The following NEBL variants were observed in gnomAD, a reference collection of about 807,000 sequenced individuals.
The protein encoded by NEBL is LIM and SH3 protein 2.
NEBL carries 122 observed loss-of-function variants against 140.2 expected under a neutral mutation model. That is an observed-to-expected ratio of 0.87 (90% CI 0.75 to 1.01). The LOEUF is 1.01. Among genes scored for constraint, NEBL ranks in the 50% least tolerant of loss-of-function variants. The pLI is 0.00. For missense variants in NEBL, 1,365 were observed against 1,231.3 expected (o/e 1.11, Z -1.62); for synonymous variants, 436 against 398.9 (o/e 1.09, Z -1.11).
intron 2 of NEBL, among the ~76,000 whole-genome samples, chr10:21,048,688 A>G (rs1198723874): frequency 6.6e-6 from 1 of 152,024 alleles, no homozygotes; most frequent in Non-Finnish European, 1.5e-5. Flanking sequence ...AAGAGTTGAT[A>G]TTGCAAATTC....
intron 4 of NEBL, among the ~76,000 whole-genome samples, chr10:20,929,484 C>T (rs1463723495): frequency 1.3e-5 from 2 of 152,146 alleles, no homozygotes; most frequent in African/African-American, 4.8e-5. Flanking sequence ...CTGATACAAA[C>T]GTTCATGCCT....
chr10:21,047,819 T>C (rs373284778), intron 2 of NEBL, among the ~76,000 whole-genome samples: 21 of 152,346 alleles, frequency 1.4e-4, no homozygotes, highest in African/African-American at 4.3e-4. Flanking sequence ...GCAACCGGAA[T>C]CTTCCCCGCA....
At chr10:20,968,322 T>C (rs574483562) in intron 3 of NEBL, among the ~76,000 whole-genome samples, 2 of 150,164 alleles carry the variant, frequency 1.3e-5, no homozygotes, top group Non-Finnish European at 3.0e-5. Context: ...CTAGGCAACA[T>C]AGCAAGGCCC....
intron 2 of NEBL, among the ~76,000 whole-genome samples, chr10:21,034,059 A>AG (rs1833912732): frequency 6.8e-6 from 1 of 146,774 alleles, no homozygotes; most frequent in Non-Finnish European, 1.5e-5. Context: ...CTCAGCTACT[A>AG]GGGGGGCTGA....
rs552261723 is a variant in NEBL at position 21,173,868 on chromosome 10, T to G, written c.-35A>C. 1.8e-4 allele frequency: 286 copies of G among 1,603,996 alleles called. 2 individuals are homozygous for G. The highest frequency in any genetic ancestry group is 1.5e-3 in the South Asian group (134 of 90,682). ...TCCCGGGGGCGGCGGCGGCGGCGGC[T>G]GCTGGCTCCCAGGAGCCGCTGTGAC... is the stretch of plus-strand genomic sequence containing the variant. On this transcript the variant is annotated 5_prime_UTR_variant, in exon 1 of 7. Coordinates refer to the NEBL transcript ENST00000417816. The surrounding 1 kb of genome is among the most constrained non-coding windows in gnomAD (Gnocchi z 5.7).
intron 16 of NEBL, among the ~76,000 whole-genome samples, 175 bp from the exon 17 acceptor site, chr10:20,828,809 C>A (rs911604468): frequency 2.0e-5 from 3 of 151,768 alleles, no homozygotes. Context: ...TAGAATGATA[C>A]CATTCTTCGA....
intron 2 of NEBL, among the ~76,000 whole-genome samples, chr10:21,134,845 G>A (rs1409110255): frequency 1.3e-5 from 2 of 152,178 alleles, no homozygotes; most frequent in African/African-American, 2.4e-5. Flanking sequence ...CCCCTGGAAG[G>A]TACGCTACTC....
chr10:21,200,917 T>G (rs7897116), intron 3 of NEBL, among the ~76,000 whole-genome samples: 29,556 of 151,726 alleles, frequency 0.19, 4,050 homozygotes, highest in African/African-American at 0.38. Context: ...AACAGAGAGA[T>G]ATCCCGTCTA....
chr10:21,120,991 T>C (rs1969941), intron 2 of NEBL, among the ~76,000 whole-genome samples: 74,806 of 151,988 alleles, frequency 0.49, 21,930 homozygotes, highest in African/African-American at 0.81. Context: ...TTTCAGGCTT[T>C]ATACAATAAC....
intron 3 of NEBL, among the ~76,000 whole-genome samples, chr10:20,998,484 C>T (rs1837757374): frequency 6.6e-6 from 1 of 152,086 alleles, no homozygotes; most frequent in Non-Finnish European, 1.5e-5. Context: ...GATAAGGTCT[C>T]CACTCTTGCC....
intron 6 of NEBL, among the ~76,000 whole-genome samples, chr10:20,869,524 G>A (rs537817185): frequency 6.6e-6 from 1 of 152,170 alleles, no homozygotes; most frequent in East Asian, 1.9e-4. Context: ...AAAGTATGAT[G>A]ACACTAACCA....
intron 2 of NEBL, among the ~76,000 whole-genome samples, chr10:21,154,856 T>C (rs182376763): frequency 3.3e-5 from 5 of 152,350 alleles, no homozygotes; most frequent in Non-Finnish European, 5.9e-5. Context: ...AGTAGGTGTA[T>C]ATACTTGTGG....
At chr10:20,937,834 G>T (rs764688287) in intron 4 of NEBL, among the ~76,000 whole-genome samples, 2 of 152,024 alleles carry the variant, frequency 1.3e-5, no homozygotes, top group Non-Finnish European at 2.9e-5. Context: ...ATGGAGCCTC[G>T]CTCATTGCTA....
intron 4 of NEBL, among the ~76,000 whole-genome samples, chr10:20,887,224 TGAGTTTA>T (rs1474793493): frequency 6.6e-4 from 61 of 92,174 alleles, no homozygotes; most frequent in African/African-American, 1.8e-3. Context: ...GGATTCAAAA[TGAGTTTA>T]CCTGATGACA....
intron 2 of NEBL, among the ~76,000 whole-genome samples, chr10:21,097,410 G>T (rs1170119644): frequency 1.3e-5 from 2 of 151,564 alleles, no homozygotes; most frequent in African/African-American, 2.4e-5. Flanking sequence ...AGTGAGCCGA[G>T]ATCACACCAT....
upstream of NEBL, chr10:21,174,728 C>G (rs1841257780): frequency 6.6e-6 from 1 of 152,230 alleles, no homozygotes; most frequent in Non-Finnish European, 1.5e-5. Context: ...CGCCCGCTCC[C>G]ACGGGCCTCT....
At chr10:20,943,042 G>A (rs1188498381) in intron 4 of NEBL, among the ~76,000 whole-genome samples, 2 of 152,170 alleles carry the variant, frequency 1.3e-5, no homozygotes, top group African/African-American at 4.8e-5. Flanking sequence ...GATTCCTCAG[G>A]GATGTAGAAC....
chr10:20,927,561 T>C (rs1833973325), intron 4 of NEBL, among the ~76,000 whole-genome samples: 3 of 152,222 alleles, frequency 2.0e-5, no homozygotes, highest in African/African-American at 7.2e-5. Context: ...AACAGTACAT[T>C]AAAACCATAC....
At chr10:20,829,370 G>A (rs1416058626) in intron 16 of NEBL, among the ~76,000 whole-genome samples, 2 of 150,764 alleles carry the variant, frequency 1.3e-5, no homozygotes, top group East Asian at 3.9e-4. Context: ...CTCACTCATA[G>A]GTGGGAATTG....
Sources: gnomAD v4.1 joint callset for allele counts (sites outside exome capture counted in the v4.1 genomes callset) on GRCh38, gnomAD v4.1.1 for gene constraint, Gnocchi (gnomAD v3.1) non-coding constraint, MANE v1.5 for transcripts, NCBI Gene and HGNC (gene_info 2026-07-23, HGNC 2026-07-21) for gene names.